Variants in HDAC4 observed in about 807,000 individuals in gnomAD.
HDAC4 encodes the protein histone deacetylase 4.
A neutral mutation model predicts 135.1 loss-of-function variants in HDAC4; 16 were observed. That is an observed-to-expected ratio of 0.12 (90% CI 0.08 to 0.18). HDAC4 has a LOEUF of 0.18. Ranked by LOEUF, HDAC4 falls within the 10% of genes least tolerant of loss-of-function variation. The pLI is 1.00. For missense variants in HDAC4, 1,143 were observed against 1,511.8 expected, an observed-to-expected ratio of 0.76 and a Z score of 4.05; for synonymous variants, 685 against 653.4, an observed-to-expected ratio of 1.05 and a Z score of -0.74.
intron 1 of HDAC4, among the ~76,000 whole-genome samples, chr2:239,356,469 T>G (rs1020295900): frequency 6.6e-6 from 1 of 152,194 alleles, no homozygotes; most frequent in Admixed American, 6.5e-5. Context: ...TTTTATAACG[T>G]ACAGTCAATC....
intron 17 of HDAC4, 51 bp downstream of exon 17, chr2:239,094,959 T>C: frequency 3.1e-6 from 5 of 1,613,114 alleles, no homozygotes; most frequent in Non-Finnish European, 3.4e-6. Flanking sequence ...CTGTGACCAC[T>C]GGGACTCGAG....
At chr2:239,142,163 T>A (rs1461496955) in intron 8 of HDAC4, among the ~76,000 whole-genome samples, 1 of 152,140 alleles carries the variant, frequency 6.6e-6, no homozygotes, top group African/African-American at 2.4e-5. Flanking sequence ...CGTATGGGAA[T>A]GCATTTTCTT....
chr2:239,139,938 C>A lies in HDAC4; in HGVS notation c.866-142G>T. The stretch of plus-strand genomic sequence containing the variant: ...AGAAGTCCCAACAAAAAGAACATGG[C>A]CATGGTTTCAAAAAAGAAAGTATGA... On this transcript the variant is annotated intron_variant, in intron 8 of 26. Coordinates refer to ENST00000543185, the MANE Select transcript of HDAC4 (RefSeq NM_001378414.1). The surrounding 1 kb of genome is among the most constrained non-coding windows in gnomAD (Gnocchi z 5.3). 1.6e-6 allele frequency: 1 copy of A among 640,224 alleles called. No homozygotes were observed. 39.7% of individuals were successfully genotyped at this position (640,224 alleles called of 1,614,324 possible).
At chr2:239,183,157 T>G (rs139280258) in intron 4 of HDAC4, among the ~76,000 whole-genome samples, 17 of 152,356 alleles carry the variant, frequency 1.1e-4, no homozygotes, top group Non-Finnish European at 2.5e-4. Context: ...CAATCATAGC[T>G]GATCCTATTA....
chr2:239,377,980 T>C (rs541571910), intron 1 of HDAC4, among the ~76,000 whole-genome samples: 5 of 152,190 alleles, frequency 3.3e-5, no homozygotes, highest in African/African-American at 1.2e-4. Flanking sequence ...GACATCAAAA[T>C]GCCTGGTTTT....
intron 2 of HDAC4, among the ~76,000 whole-genome samples, chr2:239,344,947 G>A (rs955629206): frequency 6.6e-6 from 1 of 152,008 alleles, no homozygotes; most frequent in Non-Finnish European, 1.5e-5. Flanking sequence ...CCCACCGCAG[G>A]GGCCATGAAC....
At chr2:239,090,914 TCTCCTGTGCCGAGTTTAACTGGAAG>T (rs1449625588) in intron 17 of HDAC4, among the ~76,000 whole-genome samples, 1 of 152,232 alleles carries the variant, frequency 6.6e-6, no homozygotes, top group African/African-American at 2.4e-5. Flanking sequence ...ATAGTGACTT[TCTCCTGTGCCGAGTTTAACTGGAAG>T]CTCCACATGT....
rs755802882 is a variant in HDAC4 at position 239,308,229 on chromosome 2, G to A, written c.22+44449C>T. Among the ~76,000 whole-genome samples, 1 of 152,120 alleles carries A rather than the reference G, an allele frequency of 6.6e-6. No homozygotes were observed. Among genetic ancestry groups the A allele is most frequent in the African/African-American group, 2.4e-5 (1 of 41,404 alleles). On this transcript the variant is annotated intron_variant, in intron 2 of 26. Coordinates refer to ENST00000543185, the MANE Select transcript of HDAC4 (RefSeq NM_001378414.1). The surrounding 1 kb of genome is among the most constrained non-coding windows in gnomAD (Gnocchi z 4.2). ...ATGAGCTATCAGCTTAGGGACAAGA[G>A]AGCTAGAGACCCGGGGGGGAGTCCA...
chr2:239,264,623 C>T (rs1448860300), intron 2 of HDAC4, among the ~76,000 whole-genome samples: 4 of 152,184 alleles, frequency 2.6e-5, no homozygotes, highest in African/African-American at 9.7e-5. Flanking sequence ...GGGCTCGCAG[C>T]CTGAACCTGC....
At chr2:239,083,369 G>A (rs552917342) in intron 20 of HDAC4, among the ~76,000 whole-genome samples, 143 of 152,332 alleles carry the variant, frequency 9.4e-4, no homozygotes, top group Non-Finnish European at 1.6e-3. Flanking sequence ...TGGGGGACCC[G>A]CTGCTCTGCC....
At chr2:239,312,910 G>A (rs1472997660) in intron 2 of HDAC4, among the ~76,000 whole-genome samples, 6 of 152,224 alleles carry the variant, frequency 3.9e-5, no homozygotes, top group East Asian at 3.9e-4. Context: ...TCTGAAGACC[G>A]CTCCAGCTCT....
chr2:239,346,838 CA>C (rs1181508509), intron 2 of HDAC4, among the ~76,000 whole-genome samples: 18 of 149,756 alleles, frequency 1.2e-4, no homozygotes, highest in Non-Finnish European at 2.5e-4. Context: ...ACCTAACACA[CA>C]CACCCTGTCT....
intron 2 of HDAC4, among the ~76,000 whole-genome samples, chr2:239,275,697 G>A (rs957602959): frequency 1.3e-5 from 2 of 152,108 alleles, no homozygotes; most frequent in Non-Finnish European, 2.9e-5. Flanking sequence ...GAGTGAGGCT[G>A]GGGGCCTCTG....
chr2:239,262,123 G>A lies in HDAC4; in HGVS notation c.23-25459C>T, dbSNP rs1401593785. 1.3e-5 allele frequency among the ~76,000 whole-genome samples: 2 copies of A among 152,128 alleles called. No individual in the cohort carries two copies. The highest frequency in any genetic ancestry group is 2.4e-5 in the African/African-American group (1 of 41,416). The stretch of plus-strand genomic sequence containing the variant: ...CCACGCCAGCGCCGCCTGCAGTGAC[G>A]CCGGGCCACGCTCACCCCAAGGCCC... On this transcript the variant is annotated intron_variant, in intron 2 of 26. Coordinates refer to ENST00000543185, the MANE Select transcript of HDAC4 (RefSeq NM_001378414.1). This position sits in a 1 kb window ranked among gnomAD's most constrained non-coding sequence, Gnocchi z 4.1.
At chr2:239,061,076 G>T (rs570064554) in intron 24 of HDAC4, among the ~76,000 whole-genome samples, 1 of 152,254 alleles carries the variant, frequency 6.6e-6, no homozygotes, top group Non-Finnish European at 1.5e-5. Flanking sequence ...CCCTGTGCGC[G>T]CCACAATCGG....
Position 239,146,668 on chromosome 2 carries a change from T to C in HDAC4, c.734-1954A>G, listed in dbSNP as rs2041783748. Among the ~76,000 whole-genome samples, 1 of 150,418 alleles carries C rather than the reference T, an allele frequency of 6.6e-6. No individual in the cohort carries two copies. On this transcript the variant is annotated intron_variant, in intron 7 of 26. Coordinates refer to ENST00000543185, the MANE Select transcript of HDAC4 (RefSeq NM_001378414.1). The surrounding 1 kb of genome is among the most constrained non-coding windows in gnomAD (Gnocchi z 4.5). ...TTGTGCAAGAGACTCTTGAGGAGAG[T>C]CCCATGGTGGCTGCTTCACCCCACC...
intron 1 of HDAC4, among the ~76,000 whole-genome samples, chr2:239,378,979 G>T (rs746047894): frequency 6.6e-6 from 1 of 152,162 alleles, no homozygotes; most frequent in Non-Finnish European, 1.5e-5. Context: ...TGCTGGGCCC[G>T]CTCACTCACT....
At chr2:239,110,326 A>G (rs1172609768) in intron 14 of HDAC4, among the ~76,000 whole-genome samples, 2 of 152,248 alleles carry the variant, frequency 1.3e-5, no homozygotes. Context: ...AAGAAAGGAC[A>G]CCAACGAAGC....
intron 2 of HDAC4, among the ~76,000 whole-genome samples, chr2:239,327,319 A>G (rs2053500544): frequency 6.6e-6 from 1 of 152,098 alleles, no homozygotes; most frequent in African/African-American, 2.4e-5. Flanking sequence ...GGCCCGATGA[A>G]CGTTCCTCCC....
Sources: gnomAD v4.1 joint callset for allele counts (sites outside exome capture counted in the v4.1 genomes callset) on GRCh38, gnomAD v4.1.1 for gene constraint, Gnocchi (gnomAD v3.1) non-coding constraint, MANE v1.5 for transcripts, NCBI Gene and HGNC (gene_info 2026-07-23, HGNC 2026-07-21) for gene names.